Variants in CHRM3 observed in about 807,000 individuals in gnomAD.
CHRM3 encodes the protein cholinergic receptor muscarinic 3, also known as muscarinic acetylcholine receptor M3.
A neutral mutation model predicts 41.8 loss-of-function variants in CHRM3; 11 were observed. That is an observed-to-expected ratio of 0.26 (90% confidence interval 0.17 to 0.44). The LOEUF is 0.44. Among genes scored for constraint, CHRM3 ranks in the 20% least tolerant of loss-of-function variants. CHRM3 has a pLI of 1.00. For missense variants in CHRM3, 571 were observed against 745.4 expected, an observed-to-expected ratio of 0.77 and a Z score of 2.72; for synonymous variants, 297 against 301.4, an observed-to-expected ratio of 0.99 and a Z score of 0.15.
intron 2 of CHRM3, among the ~76,000 whole-genome samples, chr1:239,525,377 C>T (rs998829497): frequency 6.6e-6 from 1 of 152,168 alleles, no homozygotes; most frequent in Non-Finnish European, 1.5e-5. Flanking sequence ...ACTTCCCTAG[C>T]ACATGACATC....
chr1:239,490,359 G>C (rs569679975), intron 1 of CHRM3, among the ~76,000 whole-genome samples: 60 of 152,260 alleles, frequency 3.9e-4, no homozygotes, highest in Non-Finnish European at 7.2e-4. Flanking sequence ...TATGAAATAA[G>C]TGAAAGGAGC....
chr1:239,609,042 A>G (rs1300154309), intron 3 of CHRM3, among the ~76,000 whole-genome samples: 1 of 152,214 alleles, frequency 6.6e-6, no homozygotes, highest in African/African-American at 2.4e-5. Flanking sequence ...TGACATATGT[A>G]TACACATGTG....
chr1:239,470,357 A>G (rs911783836), intron 1 of CHRM3, among the ~76,000 whole-genome samples: 4 of 152,168 alleles, frequency 2.6e-5, no homozygotes, highest in African/African-American at 7.2e-5. Context: ...TCTGGCCACC[A>G]GTGCTGGGAA....
chr1:239,865,107 T>C (rs1184430922), intron 6 of CHRM3, among the ~76,000 whole-genome samples: 1 of 152,188 alleles, frequency 6.6e-6, no homozygotes, highest in East Asian at 1.9e-4. Flanking sequence ...TAAATTATAG[T>C]CCATTCACAC....
At chr1:239,796,592 G>A (rs1286285568) in intron 5 of CHRM3, among the ~76,000 whole-genome samples, 1 of 151,806 alleles carries the variant, frequency 6.6e-6, no homozygotes. Context: ...ACATGGCCGT[G>A]GTCAGAGCAT....
Position 239,907,868 on chromosome 1 carries a change from G to A in CHRM3, c.417G>A (p.Leu139=), listed in dbSNP as rs1480444441. 6.2e-7 allele frequency: 1 copy of A among 1,614,208 alleles called. No individual in the cohort carries two copies. The highest frequency in any genetic ancestry group is 1.3e-5 in the African/African-American group (1 of 75,040). The change falls in exon 7 of 7, where the codon TTG becomes TTA. Residue 139 remains leucine, a synonymous_variant. Coordinates refer to ENST00000676153, the MANE Select transcript of CHRM3 (RefSeq NM_001375978.1). The surrounding 1 kb of genome is among the most constrained non-coding windows in gnomAD (Gnocchi z 5.4). ...TGAATCGATGGGCCTTAGGGAACTT[G>A]GCCTGTGACCTCTGGCTTGCCATTG... is the stretch of plus-strand genomic sequence containing the variant. ...IIMNRWALGN[L]ACDLWLAIDY... is the part of the protein sequence containing the mutation.
chr1:239,768,475 A>G (rs972491395), intron 5 of CHRM3, among the ~76,000 whole-genome samples: 3 of 152,270 alleles, frequency 2.0e-5, no homozygotes, highest in Non-Finnish European at 4.4e-5. Flanking sequence ...CCTTCCAGAA[A>G]GCCCAACATG....
At chr1:239,797,042 G>T (rs971980483) in intron 5 of CHRM3, among the ~76,000 whole-genome samples, 1 of 152,206 alleles carries the variant, frequency 6.6e-6, no homozygotes, top group Non-Finnish European at 1.5e-5. Context: ...GAAATTGTGT[G>T]CTTTGCAGCA....
intron 5 of CHRM3, among the ~76,000 whole-genome samples, chr1:239,793,807 T>TTTTTTTTG (rs1669538560): frequency 1.5e-5 from 2 of 135,348 alleles, no homozygotes; most frequent in African/African-American, 5.7e-5. Context: ...ATGTGTATTT[T>TTTTTTTTG]TTTTTTTTTT....
intron 5 of CHRM3, among the ~76,000 whole-genome samples, chr1:239,791,232 G>A (rs1425501540): frequency 1.3e-5 from 2 of 152,128 alleles, no homozygotes; most frequent in Non-Finnish European, 2.9e-5. Context: ...AGGCACCTGA[G>A]TAGCTGGGAT....
chr1:239,574,636 A>G (rs372186925), intron 3 of CHRM3, among the ~76,000 whole-genome samples: 2 of 152,208 alleles, frequency 1.3e-5, no homozygotes, highest in East Asian at 3.9e-4. Flanking sequence ...AGTTTGAGGC[A>G]TTCTTTATAA....
chr1:239,713,395 C>T (rs963088009), intron 5 of CHRM3, among the ~76,000 whole-genome samples: 3 of 152,078 alleles, frequency 2.0e-5, no homozygotes, highest in African/African-American at 7.2e-5. Context: ...CACAATTGTG[C>T]CTGGCCCATT....
chr1:239,639,975 G>C (rs975057339), intron 4 of CHRM3, among the ~76,000 whole-genome samples: 11 of 151,800 alleles, frequency 7.2e-5, no homozygotes, highest in African/African-American at 1.2e-4. Context: ...TAGCATGAAG[G>C]GTTGTTGAAT....
chr1:239,630,295 T>C (rs532547946), intron 3 of CHRM3, among the ~76,000 whole-genome samples: 22 of 152,352 alleles, frequency 1.4e-4, no homozygotes, highest in Admixed American at 3.9e-4. Context: ...TAGGCAATGT[T>C]GGGACTCCTA....
At chr1:239,483,677 C>T (rs749479803) in intron 1 of CHRM3, among the ~76,000 whole-genome samples, 1 of 152,144 alleles carries the variant, frequency 6.6e-6, no homozygotes, top group Non-Finnish European at 1.5e-5. Flanking sequence ...TAATTGGATA[C>T]TGTCTGAAAA....
At chr1:239,790,809 C>G (rs1669283729) in intron 5 of CHRM3, among the ~76,000 whole-genome samples, 1 of 152,110 alleles carries the variant, frequency 6.6e-6, no homozygotes, top group Non-Finnish European at 1.5e-5. Flanking sequence ...TGTGATAGAG[C>G]AAGGACTGTG....
intron 2 of CHRM3, among the ~76,000 whole-genome samples, chr1:239,499,630 G>A (rs1216980963): frequency 1.3e-5 from 2 of 152,100 alleles, no homozygotes; most frequent in African/African-American, 2.4e-5. Context: ...ACCATCAGGA[G>A]GTAGAAATCC....
At chr1:239,569,765 G>T (rs1399739880) in intron 3 of CHRM3, among the ~76,000 whole-genome samples, 1 of 152,160 alleles carries the variant, frequency 6.6e-6, no homozygotes, top group African/African-American at 2.4e-5. Context: ...GGCAAAGCTG[G>T]ACTGGGTCAA....
At chr1:239,789,460 G>A (rs1669170857) in intron 5 of CHRM3, among the ~76,000 whole-genome samples, 1 of 152,144 alleles carries the variant, frequency 6.6e-6, no homozygotes, top group Admixed American at 6.5e-5. Context: ...AAGAAGAAAG[G>A]CATATTTGGC....
Sources: gnomAD v4.1 joint callset for allele counts (sites outside exome capture counted in the v4.1 genomes callset) on GRCh38, gnomAD v4.1.1 for gene constraint, Gnocchi (gnomAD v3.1) non-coding constraint, MANE v1.5 for transcripts, NCBI Gene and HGNC (gene_info 2026-07-23, HGNC 2026-07-21) for gene names.